Variants in NAALAD2 observed in about 807,000 individuals in gnomAD.
The protein encoded by NAALAD2 is N-acetylated alpha-linked acidic dipeptidase 2.
In NAALAD2, 89 loss-of-function variants were observed where a neutral mutation model predicts 95.6. The observed-to-expected ratio is 0.93, with a 90% CI of 0.78 to 1.11. The LOEUF is 1.11. Among genes scored for constraint, NAALAD2 ranks in the 50% least tolerant of loss-of-function variants. NAALAD2 has a pLI of 0.00. For synonymous variants in NAALAD2, 264 were observed against 294.4 expected, an observed-to-expected ratio of 0.90 and a Z score of 1.06; for missense variants, 894 against 872.4, an observed-to-expected ratio of 1.02 and a Z score of -0.31.
At chr11:90,146,875 A>G (rs1236634633) in intron 2 of NAALAD2, among the ~76,000 whole-genome samples, 1 of 152,162 alleles carries the variant, frequency 6.6e-6, no homozygotes. Flanking sequence ...TTTGAGATCA[A>G]TGAGATAAAT....
At chr11:90,161,361 C>G (rs1478211842) in intron 8 of NAALAD2, among the ~76,000 whole-genome samples, 1 of 152,184 alleles carries the variant, frequency 6.6e-6, no homozygotes, top group African/African-American at 2.4e-5. Flanking sequence ...GTTAAGGACA[C>G]TGACAGGTAA....
At chr11:90,163,942 T>C (rs1397552109) in intron 11 of NAALAD2, 1 of 441,674 alleles carries the variant, frequency 2.3e-6, no homozygotes, top group Non-Finnish European at 3.9e-6. Flanking sequence ...AATTTACTTA[T>C]CTAAAAACTG....
chr11:90,191,894 CT>C lies in NAALAD2; in HGVS notation c.*157del, dbSNP rs372095839. 0.024 allele frequency: 9,844 copies of C among 417,082 alleles called. No homozygotes were observed. Among genetic ancestry groups the C allele is most frequent in the East Asian group, 0.035 (780 of 22,276 alleles). 25.8% of individuals were successfully genotyped at this position (417,082 alleles called of 1,614,324 possible). A position where few individuals can be genotyped will look rare whatever the true frequency, so the allele number is the denominator to read the frequency against. On this transcript the variant is annotated 3_prime_UTR_variant, in exon 19 of 19. Coordinates refer to ENST00000534061, the MANE Select transcript of NAALAD2 (RefSeq NM_005467.4). ...GCTTTGGTCTTTTCATCTGCAAAGC[CT>C]TTTTTTTTTGCTCTTTAAAAGTTAA...
chr11:90,137,353 A>T lies in NAALAD2; in HGVS notation c.194+1683A>T, dbSNP rs1481555365. ...ATTTATTGTATATTTCAAAATAACT[A>T]GAGTGGATTTGAAATGTTCCAAACT... On this transcript the variant is annotated intron_variant, in intron 2 of 18. Transcript: ENST00000534061. Among the ~76,000 whole-genome samples the T allele has an allele frequency of 2.6e-5, 4 of 152,148 alleles. No individual in the cohort carries two copies. The East Asian group carries it at 7.7e-4, about 29-fold the overall frequency.
At chr11:90,155,621 CATATATATTAAT>C (rs372076390) in intron 6 of NAALAD2, among the ~76,000 whole-genome samples, 5,455 of 83,478 alleles carry the variant, frequency 0.065, 272 homozygotes, top group African/African-American at 0.08. Context: ...ATATAAATTA[CATATATATTAAT>C]ATATATATAA....
rs1565547762 is a variant in NAALAD2, at chr11:90,181,612, TAA to T, written c.1859-3_1859-2del. On this transcript the variant is annotated splice_region_variant and splice_polypyrimidine_tract_variant and intron_variant, in intron 16 of 18. Coordinates refer to ENST00000534061, the MANE Select transcript of NAALAD2 (RefSeq NM_005467.4). ...AATTTCTCTTCTTCTTTTCTATTTT[TAA>T]AAAAGACTCCTTATTTTCTGCTGTG... 1 of 1,575,884 alleles carries T rather than the reference TAA, an allele frequency of 6.3e-7. No homozygotes were observed. Among genetic ancestry groups the T allele is most frequent in the South Asian group, 1.1e-5 (1 of 87,928 alleles).
intron 11 of NAALAD2, among the ~76,000 whole-genome samples, chr11:90,168,462 G>A (rs182534726): frequency 6.6e-6 from 1 of 152,128 alleles, no homozygotes; most frequent in Non-Finnish European, 1.5e-5. Flanking sequence ...AGCTGAGATC[G>A]TGCCGCTGCA....
At chr11:90,178,394 G>A (rs568156186) in intron 16 of NAALAD2, among the ~76,000 whole-genome samples, 3 of 152,282 alleles carry the variant, frequency 2.0e-5, no homozygotes, top group African/African-American at 7.2e-5. Context: ...TTTACTGGCT[G>A]GGTGCGGTGG....
At chr11:90,170,164 T>A in intron 13 of NAALAD2, 28 bp downstream of exon 13, 1 of 1,354,300 alleles carries the variant, frequency 7.4e-7, no homozygotes, top group Non-Finnish European at 1.1e-6. Context: ...TCTTCATATG[T>A]TCTCTTTTGA....
At chr11:90,163,958 G>A (rs1016224412) in intron 11 of NAALAD2, 9 of 409,708 alleles carry the variant, frequency 2.2e-5, no homozygotes, top group South Asian at 2.0e-4. Context: ...AACTGATACA[G>A]ATGCTTAGAG....
At chr11:90,135,796 C>A in intron 2 of NAALAD2, 126 bp downstream of exon 2, 1 of 481,934 alleles carries the variant, frequency 2.1e-6, no homozygotes, top group Non-Finnish European at 3.4e-6. Context: ...TAGTCATCAA[C>A]TTTTTTTTTT....
chr11:90,183,824 T>C (rs1316405900), intron 18 of NAALAD2, among the ~76,000 whole-genome samples: 1 of 152,202 alleles, frequency 6.6e-6, no homozygotes, highest in Non-Finnish European at 1.5e-5. Context: ...AGGTTAGGTA[T>C]ATTAAATGCA....
Position 90,159,331 on chromosome 11 carries a change from C to CT in NAALAD2, c.986dup (p.Arg330GlnfsTer4). ...GGACCTGGCTTTACAGGGAGTGATT[C>CT]TTTCAGGTAATTTTGCATTACTTTA... On this transcript the variant is annotated frameshift_variant, in exon 8 of 19. Transcript: ENST00000534061. LOFTEE classifies it high-confidence loss of function. 1 of 1,611,168 alleles carries CT rather than the reference C, an allele frequency of 6.2e-7. No homozygotes were observed.
intron 6 of NAALAD2, among the ~76,000 whole-genome samples, chr11:90,155,195 T>C (rs1307468807): frequency 7.8e-6 from 1 of 128,324 alleles, no homozygotes; most frequent in African/African-American, 2.9e-5. Context: ...TGTATATATG[T>C]GTGTATATAT....
At chr11:90,169,145 TA>T (rs1461477901) in intron 12 of NAALAD2, 153 bp downstream of exon 12, 1 of 512,804 alleles carries the variant, frequency 2.0e-6, no homozygotes, top group Non-Finnish European at 3.4e-6. Context: ...GCCTCAGTAA[TA>T]CCTTTATTTT....
At chr11:90,152,898 T>C (rs1441892496) in intron 6 of NAALAD2, among the ~76,000 whole-genome samples, 1 of 152,104 alleles carries the variant, frequency 6.6e-6, no homozygotes, top group Admixed American at 6.6e-5. Context: ...GTTTTTGTGT[T>C]ATTTAAAACA....
chr11:90,150,861 T>G (rs1300781851), intron 5 of NAALAD2, among the ~76,000 whole-genome samples: 2 of 152,124 alleles, frequency 1.3e-5, no homozygotes, highest in Non-Finnish European at 2.9e-5. Flanking sequence ...GAAATTTATA[T>G]AAAGTAAAAA....
At chr11:90,146,536 T>C (rs1356909332) in intron 2 of NAALAD2, among the ~76,000 whole-genome samples, 3 of 151,752 alleles carry the variant, frequency 2.0e-5, no homozygotes, top group Non-Finnish European at 1.5e-5. Context: ...TTTTTTGTAT[T>C]TTTGGTAGAT....
Position 90,163,535 on chromosome 11 carries a change from G to A in NAALAD2, c.1196G>A (p.Gly399Asp). Residue 399 changes from glycine (G) to aspartate (D), a missense_variant and splice_region_variant, in exon 11 of 19, where the codon GGC (glycine) becomes GAC (aspartate). Coordinates refer to ENST00000534061, the MANE Select transcript of NAALAD2 (RefSeq NM_005467.4). ...CCACGTGTGTTAACAATTCTTACAG[G>A]CTGGAGACCTAGAAGAACTATCATT... is the stretch of plus-strand genomic sequence containing the variant. ...ARSFGKLMSK[G>D]WRPRRTIIFA... 6.2e-7 allele frequency: 1 copy of A among 1,613,884 alleles called. No individual in the cohort carries two copies. Among genetic ancestry groups the A allele is most frequent in the African/African-American group, 1.3e-5 (1 of 74,986 alleles).
Sources: allele counts gnomAD v4.1 joint callset (sites outside exome capture counted in the v4.1 genomes callset), GRCh38; gene constraint gnomAD v4.1.1; transcripts MANE v1.5; gene names NCBI Gene and HGNC (gene_info 2026-07-23, HGNC 2026-07-21).